DDX6: variants seen among roughly 807,000 people sequenced by gnomAD.
DDX6 encodes DEAD-box helicase 6, also known as probable ATP-dependent RNA helicase DDX6.
In DDX6, 7 loss-of-function variants were observed where a neutral mutation model predicts 60.6. The ratio of observed to expected loss-of-function variants is 0.12; its 90% confidence interval spans 0.07 to 0.22. The LOEUF (loss-of-function observed/expected upper bound fraction) is 0.22, where lower values mean the gene tolerates loss of function less well. DDX6 is among the 10% of genes least tolerant of loss of function. The pLI, the probability that DDX6 is intolerant of heterozygous loss-of-function variation, is 1.00. For missense variants in DDX6, 270 were observed against 589.9 expected (o/e 0.46, Z 5.62); for synonymous variants, 207 against 201.0 (o/e 1.03, Z -0.25).
chr11:118,784,617 C>T (rs1230029435), intron 2 of DDX6, among the ~76,000 whole-genome samples: 3 of 152,070 alleles, frequency 2.0e-5, no homozygotes. Context: ...TGCCATCACA[C>T]CCAGCTGATT....
chr11:118,760,476 G>T (rs1252983031), intron 7 of DDX6, among the ~76,000 whole-genome samples: 1 of 152,056 alleles, frequency 6.6e-6, no homozygotes, highest in African/African-American at 2.4e-5. Context: ...CTCCACAACA[G>T]AATTTTAATG....
chr11:118,773,265 G>A (rs998622995), intron 4 of DDX6, among the ~76,000 whole-genome samples: 2 of 151,994 alleles, frequency 1.3e-5, no homozygotes, highest in Admixed American at 1.3e-4. Flanking sequence ...ATTTCCAAGA[G>A]GGAAAAAAAA....
At chr11:118,752,165 C>G (rs1178242919) in intron 13 of DDX6, 68 bp from the exon 14 acceptor site, 1 of 184,366 alleles carries the variant, frequency 5.4e-6, no homozygotes, top group Non-Finnish European at 1.1e-5. Flanking sequence ...TAGGTTTTCA[C>G]AATCCTCATC....
In DDX6 at chr11:118,748,462, T is replaced by G. The variant is rs1270470470; in HGVS notation, c.*3643A>C. The G allele has an allele frequency of 2.6e-5, 4 of 152,220 alleles. No homozygotes were observed. In the East Asian group the frequency reaches 5.8e-4, roughly 22 times the overall value. The allele number at this position is 152,220 out of a possible 1,614,324, so 9.4% of individuals were successfully genotyped here. On this transcript the variant is annotated 3_prime_UTR_variant, in exon 14 of 14. Coordinates refer to ENST00000534980, the MANE Select transcript of DDX6 (RefSeq NM_004397.6). ...ACTAAAGTTCACCAAAAAGCTGACTTACTTCAGCTCTCATGAGGCCAATAA... is the reference window on the plus strand; with the variant it reads ...ACTAAAGTTCACCAAAAAGCTGACTGACTTCAGCTCTCATGAGGCCAATAA...
At chr11:118,758,069 C>T (rs1273725641) in intron 9 of DDX6, among the ~76,000 whole-genome samples, 2 of 152,162 alleles carry the variant, frequency 1.3e-5, no homozygotes, top group Non-Finnish European at 2.9e-5. Flanking sequence ...ACAGAGATTG[C>T]TTTCTTCGAC....
At position 118,749,080 on chromosome 11, in the gene DDX6, A is replaced by C. The variant is rs1318427453; in HGVS notation, c.*3025T>G. The C allele has an allele frequency of 3.9e-5, 6 of 152,234 alleles. No homozygotes were observed. The East Asian group carries it at 1.2e-3, about 29-fold the overall frequency. 9.4% of individuals were successfully genotyped at this position (152,234 alleles called of 1,614,324 possible). On this transcript the variant is annotated 3_prime_UTR_variant, in exon 14 of 14. Transcript: ENST00000534980. Reference sequence around the variant, plus strand: ...TCCATTCCTATGGGAGAGGCAAAACAGTATTTATCCCCATCAGAATATATG... The same window carrying C: ...TCCATTCCTATGGGAGAGGCAAAACCGTATTTATCCCCATCAGAATATATG...
chr11:118,791,574 T>C (rs1456544564), upstream of DDX6: 1 of 152,088 alleles, frequency 6.6e-6, no homozygotes, highest in Non-Finnish European at 1.5e-5. Flanking sequence ...AAGGATATGT[T>C]TTGAAAACTG....
At chr11:118,784,307 T>C (rs1421081222) in intron 2 of DDX6, among the ~76,000 whole-genome samples, 1 of 152,114 alleles carries the variant, frequency 6.6e-6, no homozygotes, top group African/African-American at 2.4e-5. Context: ...GTGAACCACA[T>C]ACGGTAACTA....
chr11:118,776,854 A>T (rs573856319), intron 4 of DDX6, among the ~76,000 whole-genome samples: 2 of 152,026 alleles, frequency 1.3e-5, no homozygotes, highest in Non-Finnish European at 1.5e-5. Context: ...AAGAAAGAAA[A>T]AAAAAGACTT....
At chr11:118,763,368 G>T (rs1402414090) in intron 6 of DDX6, 62 bp from the exon 7 acceptor site, 1 of 1,284,862 alleles carries the variant, frequency 7.8e-7, no homozygotes. Context: ...GAGGATAAAG[G>T]TTTATAATAT....
intron 4 of DDX6, among the ~76,000 whole-genome samples, chr11:118,768,762 C>A (rs1189928999): frequency 6.6e-6 from 1 of 152,086 alleles, no homozygotes; most frequent in African/African-American, 2.4e-5. Context: ...GTAGTCCCAG[C>A]ACACTGGGAG....
At chr11:118,788,643 C>T (rs1161049910) in intron 1 of DDX6, 4 of 152,060 alleles carry the variant, frequency 2.6e-5, no homozygotes, top group Non-Finnish European at 5.9e-5. Context: ...GGTGATCCGC[C>T]CGCCTCGGCC....
intron 2 of DDX6, among the ~76,000 whole-genome samples, chr11:118,783,945 G>T (rs995211851): frequency 6.6e-6 from 1 of 151,100 alleles, no homozygotes; most frequent in Non-Finnish European, 1.5e-5. Flanking sequence ...ACAAAACGCC[G>T]TCGCTACTGG....
At chr11:118,754,575 C>T (rs781839467) in intron 13 of DDX6, 130 bp downstream of exon 13, 8 of 749,894 alleles carry the variant, frequency 1.1e-5, no homozygotes, top group Non-Finnish European at 1.7e-5. Flanking sequence ...TATTTACTGT[C>T]ATTTATGCTA....
chr11:118,782,410 TAA>T (rs782394238), intron 2 of DDX6, among the ~76,000 whole-genome samples: 2 of 139,520 alleles, frequency 1.4e-5, no homozygotes, highest in Non-Finnish European at 1.6e-5. Context: ...AAAGCATCTT[TAA>T]AAAAAAAAAA....
In DDX6 at chr11:118,748,519, T is replaced by G. The variant is rs1860637236; in HGVS notation, c.*3586A>C. On this transcript the variant is annotated 3_prime_UTR_variant, in exon 14 of 14. Transcript: ENST00000534980. The stretch of plus-strand genomic sequence containing the variant: ...TAAAGGTATCTGGCAGGAAAATGAT[T>G]CCACAATAACAAATTTAAAGATACC... The G allele has an allele frequency of 6.6e-6, 1 of 152,156 alleles. No homozygotes were observed. The highest frequency in any genetic ancestry group is 2.1e-4 in the South Asian group (1 of 4,828). The allele number at this position is 152,156 out of a possible 1,614,324, so 9.4% of individuals were successfully genotyped here.
chr11:118,784,099 A>AC lies in DDX6; in HGVS notation c.200+1952_200+1953insG, dbSNP rs200613241. 1.9e-4 allele frequency among the ~76,000 whole-genome samples: 29 copies of AC among 151,468 alleles called. No individual in the cohort carries two copies. In the East Asian group the frequency reaches 5.1e-3, roughly 26 times the overall value. On this transcript the variant is annotated intron_variant, in intron 2 of 13. Transcript: ENST00000534980. ...TGAGACCCTGTCTCAAAAAAAAAAAAAAAAGTTATAAAAAAAATTAAAAAT... is the reference window on the plus strand; with the variant it reads ...TGAGACCCTGTCTCAAAAAAAAAAAACAAAAGTTATAAAAAAAATTAAAAAT...
intron 4 of DDX6, among the ~76,000 whole-genome samples, chr11:118,775,500 T>C (rs1158203539): frequency 6.6e-6 from 1 of 152,028 alleles, no homozygotes; most frequent in African/African-American, 2.4e-5. Context: ...GTGCTTTCCA[T>C]GGATCCCCAG....
intron 8 of DDX6, 33 bp from the exon 9 acceptor site, chr11:118,758,935 G>A (rs536888805): frequency 6.7e-5 from 108 of 1,610,988 alleles, no homozygotes; most frequent in Admixed American, 2.5e-4. Context: ...ATGAGTCGTC[G>A]TCTTAAATGA....
Sources: allele counts gnomAD v4.1 joint callset (sites outside exome capture counted in the v4.1 genomes callset), GRCh38; gene constraint gnomAD v4.1.1; transcripts MANE v1.5; gene names NCBI Gene and HGNC (gene_info 2026-07-23, HGNC 2026-07-21).